Variants in OTOG observed in about 807,000 individuals in gnomAD.
OTOG encodes the protein otogelin.
Under a neutral mutation model 313.8 loss-of-function variants are expected in OTOG, and 296 were observed. The ratio of observed to expected loss-of-function variants is 0.94; its 90% CI spans 0.86 to 1.04. The LOEUF (loss-of-function observed/expected upper bound fraction) is 1.04, where lower values mean the gene tolerates loss of function less well. Among genes scored for constraint, OTOG ranks in the 50% least tolerant of loss-of-function variants. The pLI is 0.00. For missense variants in OTOG, 3,948 were observed against 3,840.1 expected (o/e 1.03, Z -0.74); for synonymous variants, 1,533 against 1,554.9 (o/e 0.99, Z 0.33).
intron 39 of OTOG, among the ~76,000 whole-genome samples, chr11:17,628,142 T>C (rs1375226017): frequency 6.6e-6 from 1 of 152,152 alleles, no homozygotes; most frequent in Non-Finnish European, 1.5e-5. Flanking sequence ...TTCTTTAAGA[T>C]ACATTGTTAG....
rs749040674 is a variant in OTOG, at chr11:17,578,505, C to T, written c.2738C>T (p.Ser913Leu). The change falls in exon 23 of 56, where the codon TCG (serine) becomes TTG (leucine). Residue 913 changes from serine to leucine, a missense_variant. By Grantham distance (145) the Ser-to-Leu change is moderately radical (BLOSUM62 -2). Coordinates refer to ENST00000399397, the MANE Select transcript of OTOG (RefSeq NM_001292063.2). ...LSVSARGPCL[S>L]GCACPQGLLR... is the part of the protein sequence containing the mutation. ...GTGTCAGCCCGTGGCCCCTGCCTCT[C>T]GGGCTGCGCCTGTCCCCAGGGGTAA... is the stretch of plus-strand genomic sequence containing the variant. 19 of 1,537,302 alleles carry T rather than the reference C, an allele frequency of 1.2e-5. No individual in the cohort carries two copies. The highest frequency in any genetic ancestry group is 7.9e-5 in the Admixed American group (4 of 50,770).
chr11:17,588,419 C>CCATGGTCGGCAGCATGGTCGGCAG (rs560107710), intron 24 of OTOG, among the ~76,000 whole-genome samples: 7 of 152,058 alleles, frequency 4.6e-5, no homozygotes, highest in African/African-American at 1.7e-4. Flanking sequence ...TTCCGTGTCA[C>CCATGGTCGGCAGCATGGTCGGCAG]CATGGTCGGC....
chr11:17,641,797 C>A, intron 51 of OTOG, 50 bp from the exon 52 acceptor site: 2 of 1,352,988 alleles, frequency 1.5e-6, no homozygotes, highest in Non-Finnish European at 2.0e-6. Context: ...GTGGGAGAGC[C>A]AGGGTGGAGG....
At chr11:17,636,783 G>T (rs1854276896) in intron 47 of OTOG, among the ~76,000 whole-genome samples, 1 of 151,852 alleles carries the variant, frequency 6.6e-6, no homozygotes, top group Admixed American at 6.6e-5. Flanking sequence ...TGGAGTATGG[G>T]CATAGTCAGT....
intron 8 of OTOG, among the ~76,000 whole-genome samples, chr11:17,557,620 T>C (rs1852083945): frequency 6.6e-6 from 1 of 151,984 alleles, no homozygotes; most frequent in African/African-American, 2.4e-5. Flanking sequence ...ATGTGGGGCA[T>C]GGGGTAGGCA....
intron 40 of OTOG, among the ~76,000 whole-genome samples, chr11:17,630,748 G>A (rs1265944230): frequency 1.3e-5 from 2 of 152,204 alleles, no homozygotes; most frequent in Non-Finnish European, 2.9e-5. Flanking sequence ...TTGAAGGAAG[G>A]ACATCTGAGA....
intron 31 of OTOG, among the ~76,000 whole-genome samples, chr11:17,601,312 G>T (rs1354308042): frequency 6.6e-6 from 1 of 152,170 alleles, no homozygotes; most frequent in Non-Finnish European, 1.5e-5. Context: ...TCACAAGGAG[G>T]TGACATTTGA....
At chr11:17,639,043 A>G in intron 48 of OTOG, 1 of 312,398 alleles carries the variant, frequency 3.2e-6, no homozygotes, top group South Asian at 3.5e-5. Context: ...ACAGAGTGAG[A>G]CTCCATCTCA....
rs1853584503 is a variant in OTOG at position 17,612,426 on chromosome 11, C to T, written c.6292+96C>T. On this transcript the variant is annotated intron_variant, in intron 37 of 55. Transcript: ENST00000399397. ...GATCTGTGTGTCCCAGACTCCCCTC[C>T]TGTGGGACCCCGACCTGGCAGATTT... The T allele has an allele frequency of 4.9e-6, 7 of 1,432,612 alleles. No individual in the cohort carries two copies. In the South Asian group the frequency reaches 9.9e-5, roughly 20 times the overall value. The allele number at this position is 1,432,612 out of a possible 1,614,324, so 88.7% of individuals were successfully genotyped here.
rs61995706 is a variant in OTOG, at chr11:17,553,513, C to T, written c.534C>T (p.Ser178=). Residue 178 remains serine (S), a synonymous_variant, in exon 6 of 56, where the codon TCC becomes TCT. Transcript: ENST00000399397. ...ATGAGCCCGAGGGACAGAGCTTCTC[C>T]ATCCAGGTGAGGCCTCCCCTGCCTT... ...GRHEPEGQSF[S]IQVHNDPQCG... is the part of the protein sequence containing the mutation. The T allele has an allele frequency of 7.1e-4, 1,018 of 1,435,582 alleles. 6 individuals are homozygous for T. In the African/African-American group the frequency reaches 0.013, roughly 19 times the overall value. The allele number at this position is 1,435,582 out of a possible 1,614,324, so 88.9% of individuals were successfully genotyped here.
At chr11:17,587,920 A>G (rs1407466157) in intron 24 of OTOG, among the ~76,000 whole-genome samples, 1 of 152,150 alleles carries the variant, frequency 6.6e-6, no homozygotes, top group East Asian at 1.9e-4. Flanking sequence ...CACTTCCATC[A>G]CTTCCCTGGA....
chr11:17,570,059 T>C (rs1485213900), intron 16 of OTOG, among the ~76,000 whole-genome samples, 154 bp from the exon 17 acceptor site: 2 of 152,158 alleles, frequency 1.3e-5, no homozygotes, highest in East Asian at 1.9e-4. Flanking sequence ...AGCCTCCCCA[T>C]ACCAGCTTCA....
chr11:17,605,771 G>A, intron 32 of OTOG, 86 bp from the exon 33 acceptor site: 2 of 1,410,194 alleles, frequency 1.4e-6, no homozygotes, highest in East Asian at 2.5e-5. Flanking sequence ...CAGAGTCGCT[G>A]AGAGAGCAGA....
At chr11:17,560,904 T>C (rs1852166935) in intron 13 of OTOG, 87 bp downstream of exon 13, 1 of 1,275,916 alleles carries the variant, frequency 7.8e-7, no homozygotes, top group Non-Finnish European at 1.1e-6. Context: ...CACTAATGGC[T>C]GGCGTCGGGG....
At position 17,557,110 on chromosome 11, in the gene OTOG, C is replaced by T. The variant is rs1371142195; in HGVS notation, c.660-8C>T. On this transcript the variant is annotated splice_polypyrimidine_tract_variant and splice_region_variant and intron_variant, in intron 7 of 55. Coordinates refer to ENST00000399397, the MANE Select transcript of OTOG (RefSeq NM_001292063.2). ...GGATACCCTGAAGCTCTGGGATGTG[C>T]CCTGCAGGGTCCAACTGCCACATGT... 4 of 1,548,784 alleles carry T rather than the reference C, an allele frequency of 2.6e-6. No individual in the cohort carries two copies. The highest frequency in any genetic ancestry group is 2.6e-6 in the Non-Finnish European group (3 of 1,146,936).
intron 48 of OTOG, chr11:17,638,808 C>T (rs1590060655): frequency 2.0e-6 from 3 of 1,467,056 alleles, no homozygotes; most frequent in African/African-American, 2.8e-5. Context: ...TTAAAAAGTC[C>T]TTACTGCGGC....
chr11:17,612,235 A>G lies in OTOG; in HGVS notation c.6197A>G (p.His2066Arg), dbSNP rs770170338. 12 of 1,548,702 alleles carry G rather than the reference A, an allele frequency of 7.7e-6. No individual in the cohort carries two copies. The South Asian group carries it at 1.4e-4, about 18-fold the overall frequency. The change falls in exon 37 of 56, where the codon CAC becomes CGC. Residue 2066 changes from histidine (H) to arginine (R), a missense_variant. Transcript: ENST00000399397. Reference protein sequence around the residue: ...GQLIRVNQSQHCPQGAAPPRC... With the variant: ...GQLIRVNQSQRCPQGAAPPRC... ...CTGATTCGCGTGAATCAGTCCCAGC[A>G]CTGTCCCCAGGGTGCTGCTCCCCCT...
In OTOG at chr11:17,594,151, T is replaced by G; in HGVS notation, c.3393T>G (p.Ser1131Arg). The change falls in exon 28 of 56, where the codon AGT (serine) becomes AGG (arginine). Residue 1131 changes from serine (S) to arginine (R), a missense_variant. By Grantham distance (110) the Ser-to-Arg change is moderately radical (BLOSUM62 -1). Transcript: ENST00000399397. ...ELTNPQEFGS[S>R]WAAVECPDTL... ...CTAACCCCCAGGAGTTTGGCAGCAG[T>G]TGGGCTGCAGTTGAGGTAAAGCCTC... The G allele has an allele frequency of 6.4e-7, 1 of 1,550,590 alleles. No homozygotes were observed. The highest frequency in any genetic ancestry group is 8.7e-7 in the Non-Finnish European group (1 of 1,146,988).
chr11:17,626,492 C>T (rs539457665), intron 39 of OTOG, among the ~76,000 whole-genome samples: 20 of 152,228 alleles, frequency 1.3e-4, no homozygotes, highest in East Asian at 5.8e-4. Flanking sequence ...CCTATTTTTA[C>T]GCCAGTACCA....
Sources: gnomAD v4.1 joint callset for allele counts (sites outside exome capture counted in the v4.1 genomes callset) on GRCh38, gnomAD v4.1.1 for gene constraint, MANE v1.5 for transcripts, NCBI Gene and HGNC (gene_info 2026-07-23, HGNC 2026-07-21) for gene names.